The following LYRM4 variants were observed in gnomAD, a reference collection of about 807,000 sequenced individuals.
LYRM4 encodes the protein LYR motif-containing protein 4.
In LYRM4, 9 loss-of-function variants were observed where a neutral mutation model predicts 11.7. That is an observed-to-expected ratio of 0.77 (90% CI 0.46 to 1.34). The LOEUF (loss-of-function observed/expected upper bound fraction) is 1.34. Among genes scored for constraint, LYRM4 ranks in the 40% most tolerant of loss-of-function variants. LYRM4 has a pLI of 0.00. For missense variants in LYRM4, 133 were observed against 112.5 expected (o/e 1.18, Z -0.82); for synonymous variants, 42 against 40.4 (o/e 1.04, Z -0.15).
At chr6:5,132,318 C>G (rs1190643712) in intron 2 of LYRM4, among the ~76,000 whole-genome samples, 1 of 152,124 alleles carries the variant, frequency 6.6e-6, no homozygotes, top group African/African-American at 2.4e-5. Context: ...ACCAGAGAAA[C>G]TGAGTAACCT....
chr6:5,100,168 T>A (rs1762455215), downstream of LYRM4, among the ~76,000 whole-genome samples: 1 of 152,124 alleles, frequency 6.6e-6, no homozygotes. Context: ...CATATTTCAA[T>A]AAAACCCAGC....
intron 2 of LYRM4, among the ~76,000 whole-genome samples, chr6:5,173,379 A>G (rs1344243207): frequency 6.6e-6 from 1 of 152,256 alleles, no homozygotes; most frequent in Admixed American, 6.5e-5. Flanking sequence ...CCCTTGAGCT[A>G]GCCCAAGTTT....
chr6:5,086,266 C>T, the LYRM4 span: 6 of 1,535,582 alleles, frequency 3.9e-6, no homozygotes, highest in East Asian at 2.4e-5. Context: ...GCGCTCCTTC[C>T]TGGACGTGCC....
At chr6:5,161,229 C>T (rs1046422828) in intron 2 of LYRM4, among the ~76,000 whole-genome samples, 3 of 152,062 alleles carry the variant, frequency 2.0e-5, no homozygotes, top group African/African-American at 7.2e-5. Flanking sequence ...AGAATTAGAA[C>T]CAGGTTGGAG....
the LYRM4 span, chr6:5,086,015 TCGG>T: frequency 2.7e-6 from 4 of 1,501,252 alleles, no homozygotes; most frequent in Non-Finnish European, 3.5e-6. Context: ...CTGGAGCAGC[TCGG>T]GGGGCTGCTG....
intron 1 of LYRM4, among the ~76,000 whole-genome samples, chr6:5,247,404 C>T (rs1764243755): frequency 6.6e-6 from 1 of 152,216 alleles, no homozygotes; most frequent in African/African-American, 2.4e-5. Context: ...TCCAATCTGT[C>T]TGCAAGGAAT....
chr6:5,121,316 T>G (rs545977206), intron 2 of LYRM4, among the ~76,000 whole-genome samples: 10 of 152,314 alleles, frequency 6.6e-5, no homozygotes, highest in African/African-American at 2.2e-4. Context: ...CTTCCTGTCT[T>G]CTATATGTAC....
At position 5,216,757 on chromosome 6, in the gene LYRM4, A is replaced by C; in HGVS notation, c.87-19T>G. On this transcript the variant is annotated intron_variant, in intron 1 of 2. Transcript: ENST00000330636. ...ATATGTTCTAAATGAATTCAGAGGA[A>C]AAAAAAGAAAAGGTGTCAGCGTGTC... The C allele has an allele frequency of 1.2e-6, 2 of 1,605,222 alleles. No individual in the cohort carries two copies. Among genetic ancestry groups the C allele is most frequent in the Non-Finnish European group, 1.7e-6 (2 of 1,178,698 alleles).
In LYRM4 at chr6:5,109,893, G is replaced by A. The variant is rs147424099; in HGVS notation, c.208-402C>T. 4.7e-4 allele frequency among the ~76,000 whole-genome samples: 72 copies of A among 152,306 alleles called. 2 individuals are homozygous for A. The East Asian group carries it at 0.014, about 29-fold the overall frequency. On this transcript the variant is annotated intron_variant, in intron 2 of 2. Coordinates refer to ENST00000330636, the MANE Select transcript of LYRM4 (RefSeq NM_020408.6). Reference sequence around the variant, plus strand: ...GGGGTTTTAGAACAGTGCAGAAATGGGCGCCGTCTATGCTGGGGTAGGAAA... The same window carrying A: ...GGGGTTTTAGAACAGTGCAGAAATGAGCGCCGTCTATGCTGGGGTAGGAAA...
At chr6:5,191,394 T>C (rs536706721) in intron 2 of LYRM4, among the ~76,000 whole-genome samples, 3 of 152,290 alleles carry the variant, frequency 2.0e-5, no homozygotes, top group East Asian at 1.9e-4. Flanking sequence ...ACTGACCCCA[T>C]GTCTCTGAGT....
chr6:5,077,508 C>T, the LYRM4 span, among the ~76,000 whole-genome samples: 1 of 152,156 alleles, frequency 6.6e-6, no homozygotes, highest in Non-Finnish European at 1.5e-5. Context: ...AGAATCCTGT[C>T]ACGTGTATCA....
chr6:5,244,416 T>G (rs1015926441), intron 1 of LYRM4, among the ~76,000 whole-genome samples: 2 of 152,176 alleles, frequency 1.3e-5, no homozygotes, highest in African/African-American at 4.8e-5. Context: ...GCTACTGATA[T>G]GACATCTCTG....
intron 2 of LYRM4, among the ~76,000 whole-genome samples, chr6:5,118,094 A>ATATATTTTTTTTTTTTTT: frequency 2.1e-4 from 18 of 86,080 alleles, no homozygotes; most frequent in African/African-American, 6.6e-4. Context: ...ATATATATAT[A>ATATATTTTTTTTTTTTTT]TTTTTGTTTT....
In LYRM4 at chr6:5,260,792, C is replaced by A. The variant is rs1233543328; in HGVS notation, c.-59G>T. ...CGCCGAGGTCCCAAGTACGACCCAACCCACGAAACTCCAGCCTGTGCGGAA... is the reference window on the plus strand; with the variant it reads ...CGCCGAGGTCCCAAGTACGACCCAAACCACGAAACTCCAGCCTGTGCGGAA... On this transcript the variant is annotated 5_prime_UTR_variant, in exon 1 of 3. Transcript: ENST00000330636. The A allele has an allele frequency of 2.0e-6, 3 of 1,534,438 alleles. No homozygotes were observed. Among genetic ancestry groups the A allele is most frequent in the East Asian group, 2.4e-5 (1 of 40,864 alleles).
intron 2 of LYRM4, among the ~76,000 whole-genome samples, chr6:5,202,209 T>C (rs539225424): frequency 6.6e-6 from 1 of 152,358 alleles, no homozygotes; most frequent in South Asian, 2.1e-4. Context: ...TTACTATATA[T>C]GATCTTTCTG....
chr6:5,060,436 C>G, the LYRM4 span, among the ~76,000 whole-genome samples: 2 of 151,644 alleles, frequency 1.3e-5, no homozygotes, highest in African/African-American at 4.8e-5. Context: ...TAAGTCAGGT[C>G]TTGCCCAGTG....
chr6:5,151,893 T>C (rs1758112096), intron 2 of LYRM4, among the ~76,000 whole-genome samples: 1 of 152,212 alleles, frequency 6.6e-6, no homozygotes, highest in South Asian at 2.1e-4. Context: ...TTTCTACCAG[T>C]ATTTTTCCCA....
At chr6:5,126,419 T>A (rs1394812961) in intron 2 of LYRM4, among the ~76,000 whole-genome samples, 2 of 152,132 alleles carry the variant, frequency 1.3e-5, no homozygotes, top group Non-Finnish European at 2.9e-5. Context: ...AGCAGGCAGA[T>A]AACAGCCCAG....
chr6:5,127,969 C>T (rs1763772339), intron 2 of LYRM4, among the ~76,000 whole-genome samples: 6 of 152,100 alleles, frequency 3.9e-5, no homozygotes, highest in Admixed American at 3.9e-4. Flanking sequence ...AGAGAGGGTC[C>T]CTGTACCCTT....
Sources: gnomAD v4.1 joint callset for allele counts (sites outside exome capture counted in the v4.1 genomes callset) on GRCh38, gnomAD v4.1.1 for gene constraint, MANE v1.5 for transcripts, NCBI Gene and HGNC (gene_info 2026-07-23, HGNC 2026-07-21) for gene names.